PHF7: variants seen among roughly 807,000 people sequenced by gnomAD.
The protein encoded by PHF7 is PHD finger protein 7, also known as E3 ubiquitin-protein ligase PHF7.
A neutral mutation model predicts 47.5 loss-of-function variants in PHF7; 24 were observed. That is an observed-to-expected ratio of 0.51 (90% CI 0.37 to 0.71). The LOEUF (loss-of-function observed/expected upper bound fraction) is 0.71, where lower values mean the gene tolerates loss of function less well. Ranked by LOEUF, PHF7 falls within the 30% of genes least tolerant of loss-of-function variation. PHF7 has a pLI of 0.00. For missense variants in PHF7, 361 were observed against 456.8 expected, an observed-to-expected ratio of 0.79 and a Z score of 1.91; for synonymous variants, 156 against 153.8, an observed-to-expected ratio of 1.01 and a Z score of -0.11.
At chr3:52,414,844 T>TAAA in intron 4 of PHF7, 3 of 107,416 alleles carry the variant, frequency 2.8e-5, no homozygotes, top group South Asian at 5.0e-4. Context: ...ACAAAAAAAT[T>TAAA]AAAAAAAAAA....
chr3:52,421,744 A>G lies in PHF7; in HGVS notation c.670A>G (p.Ile224Val). 1 of 1,575,356 alleles carries G rather than the reference A, an allele frequency of 6.3e-7. No homozygotes were observed. The highest frequency in any genetic ancestry group is 8.7e-7 in the Non-Finnish European group (1 of 1,144,730). Residue 224 changes from isoleucine to valine, a missense_variant, in exon 8 of 11, where the codon ATT becomes GTT. Coordinates refer to ENST00000327906, the MANE Select transcript of PHF7 (RefSeq NM_016483.7). ...AGAAATGCTGAGAATGGGAATTCAT[A>G]TTCCAGACAGGTAGTGGGAACCCCA... ...PQEMLRMGIH[I>V]PDRDAAWELE... is the part of the protein sequence containing the mutation.
chr3:52,414,114 T>C, intron 3 of PHF7, 66 bp downstream of exon 3: 4 of 1,022,784 alleles, frequency 3.9e-6, no homozygotes, highest in Admixed American at 1.8e-5. Context: ...GCCACCTGTG[T>C]GGGGCAGTAT....
intron 7 of PHF7, among the ~76,000 whole-genome samples, chr3:52,421,313 TC>T (rs1346885262): frequency 6.6e-6 from 1 of 152,206 alleles, no homozygotes; most frequent in Non-Finnish European, 1.5e-5. Context: ...AATGGGCTCA[TC>T]CCAGAATGAG....
In PHF7 at chr3:52,419,905, A is replaced by G. The variant is rs757521447; in HGVS notation, c.259A>G (p.Lys87Glu). 3.1e-6 allele frequency: 5 copies of G among 1,609,342 alleles called. No homozygotes were observed. The highest frequency in any genetic ancestry group is 1.3e-5 in the African/African-American group (1 of 74,962). ...GFHGFLPEDI[K>E]KEAARASRKI... ...CCATGGATTTCTGCCTGAAGACATC[A>G]AAAAGGAGGCAGCCCGGGCTTCTAG... Residue 87 changes from lysine (K) to glutamate (E), a missense_variant, in exon 5 of 11, where the codon AAA becomes GAA. Transcript: ENST00000327906.
At chr3:52,411,649 C>T (rs1156448570) in intron 1 of PHF7, among the ~76,000 whole-genome samples, 3 of 152,238 alleles carry the variant, frequency 2.0e-5, no homozygotes, top group Admixed American at 2.0e-4. Flanking sequence ...TGCTGTCCTT[C>T]TCCTCTCCCC....
chr3:52,414,111 G>A, intron 3 of PHF7, 63 bp downstream of exon 3: 5 of 1,052,274 alleles, frequency 4.8e-6, no homozygotes, highest in Non-Finnish European at 7.5e-6. Context: ...AAGGCCACCT[G>A]TGTGGGGCAG....
In PHF7 at chr3:52,421,225, C is replaced by T. The variant is rs77282338; in HGVS notation, c.573+163C>T. 3.6e-3 allele frequency among the ~76,000 whole-genome samples: 554 copies of T among 152,334 alleles called. 1 individual carries two copies. The highest frequency in any genetic ancestry group is 6.8e-3 in the Middle Eastern group (2 of 294). ...GCAGTTAGAGGAAAGTCAGTCCAGT[C>T]TGTGGTCATTCCTGGCCTATAGGAC... On this transcript the variant is annotated intron_variant, in intron 7 of 10. Transcript: ENST00000327906.
chr3:52,420,261 G>A (rs769172011), intron 5 of PHF7, 50 bp from the exon 6 acceptor site: 2 of 1,593,428 alleles, frequency 1.3e-6, no homozygotes, highest in East Asian at 2.2e-5. Context: ...TACACTGTGT[G>A]TGTTTGCATT....
chr3:52,421,877 G>A, intron 8 of PHF7, 123 bp downstream of exon 8: 1 of 643,100 alleles, frequency 1.6e-6, no homozygotes, highest in Admixed American at 2.6e-5. Context: ...AGAAGGAAGG[G>A]GAGGAGGGAG....
chr3:52,412,151 T>G (rs1395767029), intron 1 of PHF7, among the ~76,000 whole-genome samples: 2 of 151,568 alleles, frequency 1.3e-5, no homozygotes, highest in African/African-American at 4.9e-5. Flanking sequence ...GGCACTTTCA[T>G]GCACTCACCC....
At chr3:52,416,689 C>T (rs1418248906) in intron 4 of PHF7, among the ~76,000 whole-genome samples, 3 of 151,162 alleles carry the variant, frequency 2.0e-5, no homozygotes, top group Admixed American at 6.6e-5. Flanking sequence ...AAAAATTAGC[C>T]GGGCATGGTG....
Position 52,420,430 on chromosome 3 carries a change from G to A in PHF7, c.408G>A (p.Glu136=), listed in dbSNP as rs936998733. 4 of 1,614,024 alleles carry A rather than the reference G, an allele frequency of 2.5e-6. No homozygotes were observed. Among genetic ancestry groups the A allele is most frequent in the East Asian group, 2.2e-5 (1 of 44,888 alleles). ...GTTGCCTTTCACAATTTTTTGGAGA[G>A]TACAAGTGAGTGAGGGAAGGGAAAA... ...ERGCLSQFFG[E]YKSFCDKHRP... is the part of the protein sequence containing the mutation. Residue 136 remains glutamate, a synonymous_variant, in exon 6 of 11, where the codon GAG becomes GAA. Transcript: ENST00000327906.
chr3:52,417,543 C>T (rs1031932222), intron 4 of PHF7, among the ~76,000 whole-genome samples: 6 of 152,112 alleles, frequency 3.9e-5, no homozygotes, highest in Admixed American at 1.3e-4. Context: ...TGTGGTTATG[C>T]TATTGTAAAT....
chr3:52,418,468 T>G (rs1705686719), intron 4 of PHF7, among the ~76,000 whole-genome samples: 1 of 152,190 alleles, frequency 6.6e-6, no homozygotes, highest in Non-Finnish European at 1.5e-5. Flanking sequence ...CTTAAAAATA[T>G]GAAGAAAACA....
At position 52,423,352 on chromosome 3, in the gene PHF7, G is replaced by A. The variant is rs768700885; in HGVS notation, c.*35G>A. 1.1e-4 allele frequency: 155 copies of A among 1,367,400 alleles called. No homozygotes were observed. The highest frequency in any genetic ancestry group is 1.3e-4 in the Non-Finnish European group (128 of 964,282). The allele number at this position is 1,367,400 out of a possible 1,614,324, so 84.7% of individuals were successfully genotyped here. On this transcript the variant is annotated 3_prime_UTR_variant, in exon 11 of 11. Coordinates refer to ENST00000327906, the MANE Select transcript of PHF7 (RefSeq NM_016483.7). The stretch of plus-strand genomic sequence containing the variant: ...AGTAGCTGCTGTCCCACACAATAGG[G>A]TATGAAGCTGCGCTCCTCCATCGGG...
At chr3:52,416,344 C>T (rs1705624461) in intron 4 of PHF7, among the ~76,000 whole-genome samples, 2 of 151,390 alleles carry the variant, frequency 1.3e-5, no homozygotes. Flanking sequence ...TGTCACCACG[C>T]ATGGCTAATT....
chr3:52,413,119 C>G (rs1301453741), intron 2 of PHF7, among the ~76,000 whole-genome samples, 199 bp downstream of exon 2: 3 of 152,126 alleles, frequency 2.0e-5, no homozygotes, highest in African/African-American at 7.2e-5. Context: ...ACCTTACTAC[C>G]CAAATTCATA....
At chr3:52,422,012 G>C in intron 8 of PHF7, 1 of 601,626 alleles carries the variant, frequency 1.7e-6, no homozygotes, top group East Asian at 2.8e-5. Context: ...GGATTCCAGA[G>C]TGGAACTAAG....
At chr3:52,420,849 T>G in intron 6 of PHF7, 54 bp from the exon 7 acceptor site, 1 of 1,544,854 alleles carries the variant, frequency 6.5e-7, no homozygotes, top group Non-Finnish European at 8.8e-7. Context: ...GAGCGGGCCA[T>G]TGGGAAACTA....
Sources: allele counts gnomAD v4.1 joint callset (sites outside exome capture counted in the v4.1 genomes callset), GRCh38; gene constraint gnomAD v4.1.1; transcripts MANE v1.5; gene names NCBI Gene and HGNC (gene_info 2026-07-23, HGNC 2026-07-21).